Variants in PCDHGA7 observed in about 807,000 individuals in gnomAD.
PCDHGA7 encodes protocadherin gamma-A7.
PCDHGA7 carries 44 observed loss-of-function variants against 58.3 expected under a neutral mutation model. The observed-to-expected ratio is 0.75, with a 90% CI of 0.59 to 0.97. The LOEUF is 0.97. Among genes scored for constraint, PCDHGA7 ranks in the 50% least tolerant of loss-of-function variants. The pLI, the probability that PCDHGA7 is intolerant of heterozygous loss-of-function variation, is 0.00. For missense variants in PCDHGA7, 1,266 were observed against 1,188.7 expected, an observed-to-expected ratio of 1.06 and a Z score of -0.96; for synonymous variants, 516 against 504.2, an observed-to-expected ratio of 1.02 and a Z score of -0.31.
intron 1 of PCDHGA7, among the ~76,000 whole-genome samples, chr5:141,444,732 A>G (rs2098445644): frequency 6.6e-6 from 1 of 152,194 alleles, no homozygotes; most frequent in Admixed American, 6.6e-5. Context: ...CTTTGTTGAA[A>G]GTCATTTCAC....
intron 1 of PCDHGA7, among the ~76,000 whole-genome samples, chr5:141,483,630 G>A (rs2099583876): frequency 6.7e-6 from 1 of 149,714 alleles, no homozygotes; most frequent in African/African-American, 2.5e-5. Flanking sequence ...ATGGGAGAAG[G>A]TATAGAGGGG....
chr5:141,390,157 G>A, intron 1 of PCDHGA7: 3 of 1,614,020 alleles, frequency 1.9e-6, no homozygotes, highest in Middle Eastern at 3.3e-4. Context: ...GCACATACAG[G>A]AAAGACGGAG....
intron 1 of PCDHGA7, among the ~76,000 whole-genome samples, chr5:141,436,469 G>A (rs376024456): frequency 6.6e-6 from 1 of 152,304 alleles, no homozygotes; most frequent in East Asian, 1.9e-4. Flanking sequence ...ATTTTCAGAT[G>A]TATCATAGAA....
At chr5:141,387,369 G>A (rs2090919487) in intron 1 of PCDHGA7, among the ~76,000 whole-genome samples, 1 of 152,148 alleles carries the variant, frequency 6.6e-6, no homozygotes, top group African/African-American at 2.4e-5. Context: ...CTGTGTTATG[G>A]CTATCTTTAT....
In PCDHGA7 at chr5:141,485,234, T is replaced by A. The variant is rs780126313; in HGVS notation, c.2425-9573T>A. 1 of 1,614,124 alleles carries A rather than the reference T, an allele frequency of 6.2e-7. No homozygotes were observed. The highest frequency in any genetic ancestry group is 1.1e-5 in the South Asian group (1 of 91,080). On this transcript the variant is annotated intron_variant, in intron 1 of 3. Transcript: ENST00000518325. This position sits in a 1 kb window ranked among gnomAD's most constrained non-coding sequence, Gnocchi z 5.7. ...GCGGTGGGCTACCCTTTTGTTCCTC[T>A]TTTACCACCTGGGTTACGTTTGTGG...
intron 1 of PCDHGA7, chr5:141,399,515 C>T (rs748098945): frequency 6.2e-7 from 1 of 1,614,040 alleles, no homozygotes; most frequent in African/African-American, 1.3e-5. Context: ...AACAACCCTC[C>T]TGGGGCCTCC....
intron 1 of PCDHGA7, chr5:141,423,760 G>GGT: frequency 7.2e-6 from 2 of 279,662 alleles, no homozygotes; most frequent in Non-Finnish European, 1.1e-5. Context: ...TGGGGGGGGG[G>GGT]TGGGGCGGCA....
chr5:141,417,641 C>G (rs1266850894), intron 1 of PCDHGA7: 12 of 779,426 alleles, frequency 1.5e-5, no homozygotes, highest in Non-Finnish European at 2.1e-5. Context: ...CCGGGGATCC[C>G]TCAGCCTCTA....
intron 1 of PCDHGA7, chr5:141,426,685 A>C (rs1342844985): frequency 4.6e-6 from 2 of 432,608 alleles, no homozygotes; most frequent in African/African-American, 2.0e-5. Flanking sequence ...CATTTTCCCC[A>C]AAATAGCATT....
rs192631651 is a variant in PCDHGA7, at chr5:141,432,052, C to G, written c.2424+46729C>G. On this transcript the variant is annotated intron_variant, in intron 1 of 3. Transcript: ENST00000518325. The surrounding 1 kb of genome is among the most constrained non-coding windows in gnomAD (Gnocchi z 6.0). Reference sequence around the variant, plus strand: ...CCGCCACTGACCGGGGAACCCCGCCCCTATCCACGGAAACTCATATCTCGC... The same window carrying G: ...CCGCCACTGACCGGGGAACCCCGCCGCTATCCACGGAAACTCATATCTCGC... The G allele has an allele frequency of 8.1e-6, 13 of 1,614,226 alleles. No homozygotes were observed. In the Admixed American group the frequency reaches 1.8e-4, roughly 23 times the overall value.
chr5:141,409,143 G>C (rs778597273), intron 1 of PCDHGA7: 2 of 1,613,986 alleles, frequency 1.2e-6, no homozygotes, highest in Admixed American at 3.3e-5. Context: ...GATGTAGAAA[G>C]GTACACCATG....
intron 1 of PCDHGA7, among the ~76,000 whole-genome samples, chr5:141,460,763 T>A (rs904048213): frequency 4.6e-5 from 7 of 152,170 alleles, no homozygotes; most frequent in Admixed American, 1.3e-4. Context: ...ATATACATAT[T>A]GCATATGTAT....
intron 2 of PCDHGA7, among the ~76,000 whole-genome samples, chr5:141,495,607 A>G (rs1484333463): frequency 1.3e-5 from 2 of 151,832 alleles, no homozygotes; most frequent in Admixed American, 1.3e-4. Flanking sequence ...TTCCGTCTTG[A>G]TTGCTGCACC....
intron 1 of PCDHGA7, among the ~76,000 whole-genome samples, chr5:141,448,871 G>A (rs1326162054): frequency 6.6e-6 from 1 of 152,148 alleles, no homozygotes; most frequent in Non-Finnish European, 1.5e-5. Flanking sequence ...CGTGAACCTG[G>A]GAGGCGGAGC....
intron 1 of PCDHGA7, among the ~76,000 whole-genome samples, chr5:141,453,360 C>T (rs966238012): frequency 6.6e-6 from 1 of 152,000 alleles, no homozygotes; most frequent in Non-Finnish European, 1.5e-5. Context: ...CCCTGAACTC[C>T]TGGGGTCAAG....
intron 1 of PCDHGA7, chr5:141,409,009 G>A (rs1189849996): frequency 6.2e-7 from 1 of 1,613,994 alleles, no homozygotes. Context: ...CCACTGACCA[G>A]GATGAGGGGG....
intron 1 of PCDHGA7, among the ~76,000 whole-genome samples, chr5:141,492,409 C>A (rs1367119266): frequency 6.6e-6 from 1 of 152,230 alleles, no homozygotes; most frequent in Non-Finnish European, 1.5e-5. Flanking sequence ...TCCCCTCTGC[C>A]GCTCCCTCCG....
chr5:141,389,471 A>T (rs1425309295), intron 1 of PCDHGA7: 1 of 1,613,092 alleles, frequency 6.2e-7, no homozygotes, highest in Non-Finnish European at 8.5e-7. Flanking sequence ...TCGAACTCAC[A>T]CTGCAGGCCC....
At chr5:141,423,387 G>T (rs373190092) in intron 1 of PCDHGA7, 1 of 1,614,162 alleles carries the variant, frequency 6.2e-7, no homozygotes, top group Non-Finnish European at 8.5e-7. Context: ...TGTGGCGCTG[G>T]CATAAGTCAC....
Sources: gnomAD v4.1 joint callset for allele counts (sites outside exome capture counted in the v4.1 genomes callset) on GRCh38, gnomAD v4.1.1 for gene constraint, Gnocchi (gnomAD v3.1) non-coding constraint, MANE v1.5 for transcripts, NCBI Gene and HGNC (gene_info 2026-07-23, HGNC 2026-07-21) for gene names.